The following FRAS1 variants were observed in gnomAD, a reference collection of about 807,000 sequenced individuals.
FRAS1 encodes the protein extracellular matrix organizing protein FRAS1.
FRAS1 carries 290 observed loss-of-function variants against 435.2 expected under a neutral mutation model. The observed-to-expected ratio is 0.67, with a 90% CI of 0.61 to 0.73. The LOEUF (loss-of-function observed/expected upper bound fraction) is 0.73. Among genes scored for constraint, FRAS1 ranks in the 30% least tolerant of loss-of-function variants. The pLI is 0.00. For synonymous variants in FRAS1, 1,800 were observed against 1,851.0 expected, an observed-to-expected ratio of 0.97 and a Z score of 0.71; for missense variants, 4,860 against 5,001.5, an observed-to-expected ratio of 0.97 and a Z score of 0.85.
chr4:78,450,479 T>G (rs1476258827), intron 45 of FRAS1, 140 bp downstream of exon 45: 1 of 653,504 alleles, frequency 1.5e-6, no homozygotes, highest in Non-Finnish European at 2.6e-6. Context: ...TCTTCCTTGT[T>G]TTCTTATTTT....
intron 2 of FRAS1, among the ~76,000 whole-genome samples, chr4:78,169,369 G>T (rs1409342178): frequency 6.6e-6 from 1 of 152,058 alleles, no homozygotes; most frequent in Admixed American, 6.6e-5. Flanking sequence ...GCAGGGGATG[G>T]CATTGTTAGT....
chr4:78,106,172 G>C (rs1423804313), intron 2 of FRAS1, among the ~76,000 whole-genome samples: 1 of 94,862 alleles, frequency 1.1e-5, no homozygotes, highest in East Asian at 2.5e-4. Flanking sequence ...GGCTGGGGGA[G>C]GGGCGCCCGC....
chr4:78,477,762 G>C, intron 54 of FRAS1, 53 bp from the exon 55 acceptor site: 1 of 1,575,648 alleles, frequency 6.3e-7, no homozygotes, highest in East Asian at 2.3e-5. Context: ...TGGGGAAGCA[G>C]AGCAGGGGAA....
In FRAS1 at chr4:78,280,039, G is replaced by A. The variant is rs193269272; in HGVS notation, c.1071+1295G>A. ...AGTTTGAGATGCAACAGCAGAACTAGCACACATTTGTTTTTACTTCTTCAC... is the reference window on the plus strand; with the variant it reads ...AGTTTGAGATGCAACAGCAGAACTAACACACATTTGTTTTTACTTCTTCAC... On this transcript the variant is annotated intron_variant, in intron 10 of 73. Transcript: ENST00000512123. 3.2e-4 allele frequency among the ~76,000 whole-genome samples: 48 copies of A among 152,252 alleles called. 2 individuals carry two copies. In the East Asian group the frequency reaches 9.3e-3, roughly 29 times the overall value.
chr4:78,175,067 C>G (rs1721705557), intron 2 of FRAS1, among the ~76,000 whole-genome samples: 1 of 152,196 alleles, frequency 6.6e-6, no homozygotes, highest in Admixed American at 6.5e-5. Context: ...GTGAAATCAG[C>G]CTTTGCTACT....
chr4:78,245,852 T>G (rs1725216778), intron 4 of FRAS1, among the ~76,000 whole-genome samples: 2 of 152,160 alleles, frequency 1.3e-5, no homozygotes, highest in South Asian at 4.1e-4. Context: ...AGCTTTGTTG[T>G]GGGAGCTGTG....
intron 52 of FRAS1, among the ~76,000 whole-genome samples, chr4:78,472,550 T>G (rs1346917866): frequency 1.3e-5 from 2 of 152,324 alleles, no homozygotes; most frequent in East Asian, 3.9e-4. Flanking sequence ...ACCTTTACCG[T>G]GCTTCCTCAA....
intron 2 of FRAS1, among the ~76,000 whole-genome samples, chr4:78,098,442 T>G (rs1741933549): frequency 6.6e-6 from 1 of 151,932 alleles, no homozygotes; most frequent in Admixed American, 6.6e-5. Flanking sequence ...AGCTGGCTAA[T>G]TTTTGTATTT....
chr4:78,234,019 T>A (rs1485599307), intron 2 of FRAS1, among the ~76,000 whole-genome samples: 1 of 152,202 alleles, frequency 6.6e-6, no homozygotes, highest in Non-Finnish European at 1.5e-5. Flanking sequence ...ATTCCACAAT[T>A]GTCCCTGTGG....
At chr4:78,347,288 C>G (rs1320169976) in intron 20 of FRAS1, among the ~76,000 whole-genome samples, 1 of 152,176 alleles carries the variant, frequency 6.6e-6, no homozygotes, top group Non-Finnish European at 1.5e-5. Flanking sequence ...TGCAAAAACC[C>G]TAAGTGCTTC....
intron 2 of FRAS1, among the ~76,000 whole-genome samples, chr4:78,123,105 C>A (rs1236728688): frequency 6.6e-6 from 1 of 152,056 alleles, no homozygotes; most frequent in Non-Finnish European, 1.5e-5. Flanking sequence ...TTTTTATGGT[C>A]CTAGGTCTTA....
chr4:78,128,230 T>C (rs1719481390), intron 2 of FRAS1, among the ~76,000 whole-genome samples: 1 of 152,192 alleles, frequency 6.6e-6, no homozygotes, highest in Non-Finnish European at 1.5e-5. Flanking sequence ...CATGTGTCTT[T>C]ATAGCAGCAT....
rs990943900 is a variant in FRAS1, at chr4:78,059,929, C to G, written c.76+1844C>G. 1.4e-4 allele frequency among the ~76,000 whole-genome samples: 21 copies of G among 151,660 alleles called. 1 individual carries two copies. Among genetic ancestry groups the G allele is most frequent in the Admixed American group, 1.1e-3 (16 of 15,218 alleles). ...GCGGAGAGAGGGTGTGGATATTACT[C>G]CAAAGAGTCTTTGGAAACTTTGCTT... is the stretch of plus-strand genomic sequence containing the variant. On this transcript the variant is annotated intron_variant, in intron 1 of 73. Transcript: ENST00000512123.
chr4:78,282,394 T>A (rs1400132802), intron 11 of FRAS1, among the ~76,000 whole-genome samples: 1 of 152,178 alleles, frequency 6.6e-6, no homozygotes, highest in Non-Finnish European at 1.5e-5. Context: ...CATAGGGAAA[T>A]TCAGGTTTTT....
intron 2 of FRAS1, among the ~76,000 whole-genome samples, chr4:78,186,772 G>A (rs1722287900): frequency 6.6e-6 from 1 of 152,138 alleles, no homozygotes; most frequent in African/African-American, 2.4e-5. Context: ...GGAGTTTCCC[G>A]GGGTAAAAAC....
In FRAS1 at chr4:78,421,944, A is replaced by G; in HGVS notation, c.4622A>G (p.Tyr1541Cys). The change falls in exon 34 of 74, where the codon TAC becomes TGC. Residue 1541 changes from tyrosine to cysteine, a missense_variant. By Grantham distance (194) the Tyr-to-Cys change is radical (BLOSUM62 -2). Transcript: ENST00000512123. ...GATATTAACCAGGGCAAAGTCATGT[A>G]CCGCCCTCCCCCGGCAGCACCCCAC... Reference protein sequence around the residue: ...QEDINQGKVMYRPPPAAPHLQ... With the variant: ...QEDINQGKVMCRPPPAAPHLQ... 6.2e-7 allele frequency: 1 copy of G among 1,613,564 alleles called. No individual in the cohort carries two copies. The highest frequency in any genetic ancestry group is 1.7e-5 in the Admixed American group (1 of 59,968).
intron 4 of FRAS1, among the ~76,000 whole-genome samples, chr4:78,250,787 A>G (rs553493020): frequency 2.0e-5 from 3 of 152,202 alleles, no homozygotes; most frequent in Admixed American, 2.0e-4. Flanking sequence ...CTGTAGCTTC[A>G]CCAAGTCTAG....
intron 2 of FRAS1, among the ~76,000 whole-genome samples, chr4:78,230,045 A>G (rs774377642): frequency 1.3e-5 from 2 of 152,224 alleles, no homozygotes; most frequent in Non-Finnish European, 1.5e-5. Flanking sequence ...TTTTTAAGCT[A>G]TAATTAGCAG....
At chr4:78,213,982 G>A (rs1408902183) in intron 2 of FRAS1, among the ~76,000 whole-genome samples, 1 of 152,166 alleles carries the variant, frequency 6.6e-6, no homozygotes, top group Non-Finnish European at 1.5e-5. Flanking sequence ...ATTATTTATG[G>A]TTGCCGCTGA....
Sources: allele counts gnomAD v4.1 joint callset (sites outside exome capture counted in the v4.1 genomes callset), GRCh38; gene constraint gnomAD v4.1.1; transcripts MANE v1.5; gene names NCBI Gene and HGNC (gene_info 2026-07-23, HGNC 2026-07-21).